RASAL2: variants seen among roughly 807,000 people sequenced by gnomAD.
RASAL2 encodes the protein ras GTPase-activating protein nGAP.
A neutral mutation model predicts 128.9 loss-of-function variants in RASAL2; 58 were observed. The ratio of observed to expected loss-of-function variants is 0.45; its 90% CI spans 0.36 to 0.56. RASAL2 has a LOEUF of 0.56. Among genes scored for constraint, RASAL2 ranks in the 20% least tolerant of loss-of-function variants. RASAL2 has a pLI of 0.00. For synonymous variants in RASAL2, 561 were observed against 580.8 expected (o/e 0.97, Z 0.49); for missense variants, 1,360 against 1,601.6 (o/e 0.85, Z 2.57).
chr1:178,155,623 G>A (rs1206448403), intron 1 of RASAL2, among the ~76,000 whole-genome samples: 5 of 151,562 alleles, frequency 3.3e-5, no homozygotes, highest in Non-Finnish European at 5.9e-5. Context: ...GATCTTGCTG[G>A]ATCACTGTCG....
At chr1:178,115,778 C>G (rs1009936732) in intron 1 of RASAL2, among the ~76,000 whole-genome samples, 1 of 152,102 alleles carries the variant, frequency 6.6e-6, no homozygotes, top group African/African-American at 2.4e-5. Context: ...GCTTTGTAGA[C>G]TGGGTAAAAC....
At chr1:178,365,435 T>C (rs1384322299) in intron 3 of RASAL2, among the ~76,000 whole-genome samples, 1 of 27,614 alleles carries the variant, frequency 3.6e-5, no homozygotes, top group African/African-American at 1.2e-4. Flanking sequence ...TTGCCTGTTA[T>C]GTTATGTTAT....
intron 1 of RASAL2, among the ~76,000 whole-genome samples, chr1:178,221,596 G>T (rs1663615478): frequency 6.6e-6 from 1 of 152,086 alleles, no homozygotes; most frequent in Non-Finnish European, 1.5e-5. Context: ...TTGATTTCTA[G>T]TTTAATTCTG....
intron 1 of RASAL2, among the ~76,000 whole-genome samples, chr1:178,170,623 T>C (rs1661673888): frequency 6.6e-6 from 1 of 151,692 alleles, no homozygotes; most frequent in Non-Finnish European, 1.5e-5. Context: ...TTTCTTAAAG[T>C]TGTTTTATTT....
At chr1:178,124,329 A>AG (rs1659817479) in intron 1 of RASAL2, among the ~76,000 whole-genome samples, 1 of 152,064 alleles carries the variant, frequency 6.6e-6, no homozygotes, top group African/African-American at 2.4e-5. Flanking sequence ...CAACTGGAGT[A>AG]GGGGGGTGGG....
intron 1 of RASAL2, among the ~76,000 whole-genome samples, chr1:178,141,553 C>A (rs989928738): frequency 2.0e-5 from 3 of 152,024 alleles, no homozygotes; most frequent in African/African-American, 7.3e-5. Context: ...CTCAGTACCC[C>A]CTCTCAACAG....
At chr1:178,286,073 C>T (rs1667011607) in intron 2 of RASAL2, among the ~76,000 whole-genome samples, 1 of 152,208 alleles carries the variant, frequency 6.6e-6, no homozygotes, top group African/African-American at 2.4e-5. Flanking sequence ...TGTATGTACT[C>T]TCCCTATGGC....
In RASAL2 at chr1:178,213,062, G is replaced by T. The variant is rs534063977; in HGVS notation, c.203-70502G>T. Among the ~76,000 whole-genome samples, 3 of 152,100 alleles carry T rather than the reference G, an allele frequency of 2.0e-5. No homozygotes were observed. The East Asian group carries it at 5.8e-4, about 30-fold the overall frequency. ...TCACTATTCTTTTTTAAGAGACAGG[G>T]TCTCACTCTGTTGCCCAGGCTGGAG... On this transcript the variant is annotated intron_variant, in intron 1 of 17. Transcript: ENST00000367649.
intron 4 of RASAL2, among the ~76,000 whole-genome samples, chr1:178,413,644 GGCAAGCATCAGAACCATCCTCAGA>G (rs1215885330): frequency 4.6e-5 from 7 of 152,058 alleles, no homozygotes; most frequent in Non-Finnish European, 7.4e-5. Flanking sequence ...AAAGAGACAG[GGCAAGCATCAGAACCATCCTCAGA>G]GCAAGCATCA....
chr1:178,383,096 TTAAAAA>T lies in RASAL2; in HGVS notation c.458-7000_458-6995del, dbSNP rs1235676187. Among the ~76,000 whole-genome samples the T allele has an allele frequency of 3.9e-5, 6 of 152,236 alleles. No homozygotes were observed. The South Asian group carries it at 6.2e-4, about 16-fold the overall frequency. On this transcript the variant is annotated intron_variant, in intron 3 of 17. Coordinates refer to ENST00000367649, the MANE Select transcript of RASAL2 (RefSeq NM_170692.4). ...TGTTAACAAGAAGAAATATTAAATATTAAAAATAATAATAAATTTACTGAAGCAAGG... is the reference window on the plus strand; with the variant it reads ...TGTTAACAAGAAGAAATATTAAATATTAATAATAAATTTACTGAAGCAAGG...
At chr1:178,249,966 C>T (rs1330225951) in intron 1 of RASAL2, among the ~76,000 whole-genome samples, 6 of 152,112 alleles carry the variant, frequency 3.9e-5, no homozygotes, top group African/African-American at 7.2e-5. Context: ...AGCCTGATGC[C>T]GGGGCTCTTC....
Position 178,474,130 on chromosome 1 carries a change from A to G in RASAL2, c.*891A>G, listed in dbSNP as rs1648513458. 1 of 152,622 alleles carries G rather than the reference A, an allele frequency of 6.6e-6. No individual in the cohort carries two copies. Among genetic ancestry groups the G allele is most frequent in the Non-Finnish European group, 1.5e-5 (1 of 68,032 alleles). 9.5% of individuals were successfully genotyped at this position (152,622 alleles called of 1,614,324 possible). A position where few individuals can be genotyped will look rare whatever the true frequency, so the allele number is the denominator to read the frequency against. On this transcript the variant is annotated 3_prime_UTR_variant, in exon 18 of 18. Transcript: ENST00000367649. ...ACTGTGCTTTCCTCCCCATAGTGGG[A>G]GCTGTCATCACCAACAGGGTTTACT...
In RASAL2 at chr1:178,242,893, CTTAAT is replaced by C. The variant is rs199562457; in HGVS notation, c.203-40668_203-40664del. Among the ~76,000 whole-genome samples, 1,222 of 152,054 alleles carry C rather than the reference CTTAAT, an allele frequency of 8.0e-3. 13 individuals carry two copies. Among genetic ancestry groups the C allele is most frequent in the African/African-American group, 0.028 (1,160 of 41,490 alleles). On this transcript the variant is annotated intron_variant, in intron 1 of 17. Transcript: ENST00000367649. ...TCTATTTCTTTTATAAGGTTTTTTT[CTTAAT>C]TTGTTTCCAGATAATTTCTAATTGA...
At chr1:178,390,037 T>G in intron 3 of RASAL2, 63 bp from the exon 4 acceptor site, 1 of 1,033,090 alleles carries the variant, frequency 9.7e-7, no homozygotes, top group Non-Finnish European at 1.5e-6. Context: ...AACTTTACAG[T>G]TCAGTGGAAG....
chr1:178,348,056 A>G (rs1196426406), intron 3 of RASAL2, among the ~76,000 whole-genome samples: 1 of 152,164 alleles, frequency 6.6e-6, no homozygotes, highest in African/African-American at 2.4e-5. Context: ...AAGAATACTC[A>G]CTGAGTGATT....
At chr1:178,289,423 T>A (rs1164206334) in intron 2 of RASAL2, among the ~76,000 whole-genome samples, 1 of 152,186 alleles carries the variant, frequency 6.6e-6, no homozygotes, top group Admixed American at 6.5e-5. Flanking sequence ...GTCTTGAGAC[T>A]ATAAATGTCC....
chr1:178,187,935 T>C (rs1225726427), intron 1 of RASAL2, among the ~76,000 whole-genome samples: 1 of 152,068 alleles, frequency 6.6e-6, no homozygotes, highest in Admixed American at 6.6e-5. Flanking sequence ...CTTTTTTTTC[T>C]AGGACTAATT....
chr1:178,345,679 C>A (rs1670115202), intron 3 of RASAL2, among the ~76,000 whole-genome samples: 1 of 152,152 alleles, frequency 6.6e-6, no homozygotes, highest in African/African-American at 2.4e-5. Flanking sequence ...AATCACTCTT[C>A]TTTCCAGGAA....
chr1:178,120,889 G>A (rs1370623967), intron 1 of RASAL2: 1 of 152,284 alleles, frequency 6.6e-6, no homozygotes, highest in African/African-American at 2.4e-5. Context: ...AGGCAGTAAT[G>A]TGAGCCATGG....
Sources: allele counts gnomAD v4.1 joint callset (sites outside exome capture counted in the v4.1 genomes callset), GRCh38; gene constraint gnomAD v4.1.1; transcripts MANE v1.5; gene names NCBI Gene and HGNC (gene_info 2026-07-23, HGNC 2026-07-21).